Variants in ZNF75D observed in about 807,000 individuals in gnomAD.
The protein encoded by ZNF75D is zinc finger protein 75D.
A neutral mutation model predicts 33.3 loss-of-function variants in ZNF75D; 33 were observed. That is an observed-to-expected ratio of 0.99 (90% CI 0.75 to 1.32). ZNF75D has a LOEUF of 1.32. ZNF75D is among the 40% of genes most tolerant of loss of function. ZNF75D has a pLI of 0.00. For synonymous variants in ZNF75D, 113 were observed against 130.6 expected (o/e 0.87, Z 0.92); for missense variants, 338 against 367.5 (o/e 0.92, Z 0.66).
chrX:135,303,016 A>T (rs886373769), intron 1 of ZNF75D, among the ~76,000 whole-genome samples: 4 of 110,960 alleles, frequency 3.6e-5, no homozygotes, highest in Non-Finnish European at 5.7e-5. Flanking sequence ...TCTCTGCATC[A>T]TAAACAAGGT....
At chrX:135,297,709 A>C (rs1556423457) in intron 1 of ZNF75D, 1 of 112,361 alleles carries the variant, frequency 8.9e-6, no homozygotes, top group Admixed American at 9.4e-5. Context: ...TCCAAAGTCA[A>C]ACCCACAAAC....
intron 1 of ZNF75D, among the ~76,000 whole-genome samples, chrX:135,311,289 ATGG>A (rs1425291382): frequency 8.9e-6 from 1 of 112,305 alleles, no homozygotes; most frequent in African/African-American, 3.2e-5. Context: ...CCAGCAAAGC[ATGG>A]TGAAGAAGGC....
intron 1 of ZNF75D, among the ~76,000 whole-genome samples, chrX:135,277,481 C>T (rs1232928685): frequency 1.8e-5 from 2 of 112,415 alleles, no homozygotes; most frequent in South Asian, 7.3e-4. Context: ...TGCAGAAGCT[C>T]TTTAGTTTAA....
chrX:135,298,997 T>C (rs782188230), intron 1 of ZNF75D, among the ~76,000 whole-genome samples: 2 of 112,630 alleles, frequency 1.8e-5, no homozygotes. Flanking sequence ...AATATACCAT[T>C]GTGTGGATAT....
chrX:135,298,048 C>T (rs972541449), intron 1 of ZNF75D: 2 of 111,203 alleles, frequency 1.8e-5, no homozygotes, highest in Admixed American at 9.6e-5. Context: ...ACTAATGACC[C>T]CATCTAAACC....
chrX:135,336,828 G>T (rs1273897288), intron 1 of ZNF75D, among the ~76,000 whole-genome samples: 2 of 112,265 alleles, frequency 1.8e-5, no homozygotes, highest in Non-Finnish European at 3.8e-5. Context: ...TTTGTTCGGG[G>T]ATCCCTTGAC....
intron 1 of ZNF75D, chrX:135,309,805 C>T (rs2084337614): frequency 3.5e-6 from 1 of 283,305 alleles, no homozygotes; most frequent in Admixed American, 6.2e-5. Context: ...TGTCATTTCA[C>T]TCCTTTGGGT....
At chrX:135,312,762 A>G (rs1556429075) in intron 1 of ZNF75D, among the ~76,000 whole-genome samples, 1 of 109,024 alleles carries the variant, frequency 9.2e-6, no homozygotes, top group Non-Finnish European at 1.9e-5. Flanking sequence ...AGTGATGTTG[A>G]GTACTTTTTT....
chrX:135,309,481 T>C (rs782700656), intron 1 of ZNF75D: 1 of 295,132 alleles, frequency 3.4e-6, no homozygotes, highest in South Asian at 2.1e-4. Context: ...TGCTGCTTCA[T>C]GGATAAAGAA....
In ZNF75D at chrX:135,342,954, C is replaced by G. The variant is rs2084802800; in HGVS notation, c.-1577G>C. Reference sequence around the variant, plus strand: ...GGAGTTGAAAGCCCCCTTTGATCTACCTCCAGAGCGGACACTATGACAGCG... The same window carrying G: ...GGAGTTGAAAGCCCCCTTTGATCTAGCTCCAGAGCGGACACTATGACAGCG... On this transcript the variant is annotated 5_prime_UTR_variant, in exon 1 of 7. Coordinates refer to ENST00000370766, the MANE Select transcript of ZNF75D (RefSeq NM_007131.5). The G allele has an allele frequency of 9.0e-6, 1 of 111,553 alleles. No individual in the cohort carries two copies. The highest frequency in any genetic ancestry group is 1.9e-5 in the Non-Finnish European group (1 of 53,145). 9.2% of individuals were successfully genotyped at this position (111,553 alleles called of 1,213,427 possible).
At chrX:135,265,114 G>A (rs2083857985) in intron 1 of ZNF75D, among the ~76,000 whole-genome samples, 1 of 110,460 alleles carries the variant, frequency 9.1e-6, no homozygotes, top group African/African-American at 3.3e-5. Context: ...AGCTACTCGG[G>A]AGGCTGAGGC....
intron 1 of ZNF75D, among the ~76,000 whole-genome samples, chrX:135,335,106 T>G (rs1338608270): frequency 9.0e-6 from 1 of 110,989 alleles, no homozygotes; most frequent in Non-Finnish European, 1.9e-5. Context: ...TACTTCCCAG[T>G]CTGAGAAAAG....
In ZNF75D at chrX:135,318,550, A is replaced by C. The variant is rs1203627841; in HGVS notation, c.-390-22511T>G. Reference sequence around the variant, plus strand: ...TTAAAAAATTAAAACTTTAATAATTATTAAAACGGTTTGCAGCTTTGTGAC... The same window carrying C: ...TTAAAAAATTAAAACTTTAATAATTCTTAAAACGGTTTGCAGCTTTGTGAC... On this transcript the variant is annotated intron_variant, in intron 1 of 6. Transcript: ENST00000370766. 3.6e-5 allele frequency among the ~76,000 whole-genome samples: 4 copies of C among 112,082 alleles called. No homozygotes were observed. The Admixed American group carries it at 3.8e-4, about 11-fold the overall frequency.
intron 1 of ZNF75D, among the ~76,000 whole-genome samples, chrX:135,314,382 G>A (rs1556430350): frequency 9.0e-6 from 1 of 111,640 alleles, no homozygotes; most frequent in African/African-American, 3.3e-5. Context: ...ATGTGCTGTT[G>A]AATTCAGTTT....
intron 1 of ZNF75D, among the ~76,000 whole-genome samples, chrX:135,339,701 T>C (rs1466218001): frequency 8.9e-6 from 1 of 112,400 alleles, no homozygotes; most frequent in Non-Finnish European, 1.9e-5. Flanking sequence ...CCTGGAGTTG[T>C]GCAGTGTACA....
chrX:135,297,714 A>G (rs2084154078), intron 1 of ZNF75D: 1 of 112,336 alleles, frequency 8.9e-6, no homozygotes, highest in Non-Finnish European at 1.9e-5. Flanking sequence ...AGTCAAACCC[A>G]CAAACCAAGA....
In ZNF75D at chrX:135,270,634, A is replaced by G. The variant is rs552025500; in HGVS notation, n.828-14857T>C. ...GCATCAGTTTTTCATGGAATATTACAGCTGGACATGGGAGTGCTAGGTGGT... is the reference window on the plus strand; with the variant it reads ...GCATCAGTTTTTCATGGAATATTACGGCTGGACATGGGAGTGCTAGGTGGT... On this transcript the variant is annotated intron_variant and non_coding_transcript_variant, in intron 1 of 3. Coordinates refer to the ZNF75D transcript ENST00000494295. Among the ~76,000 whole-genome samples, 9 of 109,016 alleles carry G rather than the reference A, an allele frequency of 8.3e-5. No individual in the cohort carries two copies. In the South Asian group the frequency reaches 2.0e-3, roughly 24 times the overall value. 94.7% of individuals were successfully genotyped at this position (109,016 alleles called of 115,157 possible). A position where few individuals can be genotyped will look rare whatever the true frequency, so the allele number is the denominator to read the frequency against.
At chrX:135,277,333 G>A (rs1556417758) in intron 1 of ZNF75D, among the ~76,000 whole-genome samples, 1 of 111,071 alleles carries the variant, frequency 9.0e-6, no homozygotes, top group East Asian at 2.8e-4. Flanking sequence ...TTTTGATGAG[G>A]TTTTCTTTTT....
At chrX:135,339,879 A>C (rs1556444086) in intron 1 of ZNF75D, among the ~76,000 whole-genome samples, 1 of 111,946 alleles carries the variant, frequency 8.9e-6, no homozygotes, top group Non-Finnish European at 1.9e-5. Context: ...GTCTAGCTCT[A>C]AGAAATTGTG....
Sources: allele counts gnomAD v4.1 joint callset (sites outside exome capture counted in the v4.1 genomes callset), GRCh38; gene constraint gnomAD v4.1.1; transcripts MANE v1.5; gene names NCBI Gene and HGNC (gene_info 2026-07-23, HGNC 2026-07-21).